The following TMC5 variants were observed in gnomAD, a reference collection of about 807,000 sequenced individuals.
TMC5 encodes the protein transmembrane channel-like protein 5.
Under a neutral mutation model 110.5 loss-of-function variants are expected in TMC5, and 86 were observed. The ratio of observed to expected loss-of-function variants is 0.78; its 90% CI spans 0.65 to 0.93. The LOEUF (loss-of-function observed/expected upper bound fraction) is 0.93, where lower values mean the gene tolerates loss of function less well. Among genes scored for constraint, TMC5 ranks in the 40% least tolerant of loss-of-function variants. The pLI is 0.00. For missense variants in TMC5, 1,144 were observed against 1,222.8 expected (o/e 0.94, Z 0.96); for synonymous variants, 455 against 439.5 (o/e 1.04, Z -0.44).
chr16:19,410,946 G>C (rs549340498), exon 1 of TMC5: 1 of 152,466 alleles, frequency 6.6e-6, no homozygotes, highest in South Asian at 2.1e-4. Flanking sequence ...GAGCCAGCGG[G>C]GTGCGGCGCC....
chr16:19,460,403 C>T, intron 6 of TMC5, 69 bp downstream of exon 6: 1 of 1,110,296 alleles, frequency 9.0e-7, no homozygotes, highest in Admixed American at 2.4e-5. Flanking sequence ...TTTGCCCCAT[C>T]TCAAAAAGAT....
chr16:19,474,456 G>A (rs941794856), intron 12 of TMC5, among the ~76,000 whole-genome samples, 180 bp downstream of exon 12: 1 of 152,106 alleles, frequency 6.6e-6, no homozygotes, highest in Non-Finnish European at 1.5e-5. Context: ...GGGAGGTTGA[G>A]TGGGGAGGAT....
At chr16:19,473,534 C>T (rs1209914252) in intron 11 of TMC5, among the ~76,000 whole-genome samples, 1 of 152,042 alleles carries the variant, frequency 6.6e-6, no homozygotes, top group African/African-American at 2.4e-5. Flanking sequence ...GGGAAAGCCA[C>T]AGAATGATTG....
In TMC5 at chr16:19,492,915, G is replaced by GATAT. The variant is rs772226428; in HGVS notation, c.2826+702_2826+705dup. Among the ~76,000 whole-genome samples, 29 of 42,784 alleles carry GATAT rather than the reference G, an allele frequency of 6.8e-4. 3 individuals carry two copies. In the East Asian group the frequency reaches 0.01, roughly 15 times the overall value. The allele number at this position is 42,784 out of a possible 152,430, so 28.1% of individuals were successfully genotyped here. ...ATTATTTTTTATTTATTAAAACTTAGATATATATATATATATATCTCTCTA... is the reference window on the plus strand; with the variant it reads ...ATTATTTTTTATTTATTAAAACTTAGATATATATATATATATATATATCTCTCTA... On this transcript the variant is annotated intron_variant, in intron 19 of 21. Transcript: ENST00000542583.
At chr16:19,426,447 T>C (rs1184792752) in intron 1 of TMC5, among the ~76,000 whole-genome samples, 1 of 152,044 alleles carries the variant, frequency 6.6e-6, no homozygotes, top group Non-Finnish European at 1.5e-5. Flanking sequence ...ACACTGACAG[T>C]GGGGAAGGGA....
intron 2 of TMC5, 142 bp from the exon 3 acceptor site, chr16:19,439,818 A>C: frequency 1.9e-6 from 1 of 523,692 alleles, no homozygotes; most frequent in Middle Eastern, 5.2e-4. Flanking sequence ...GTGCAAGAGA[A>C]TCTAGAAACA....
intron 5 of TMC5, among the ~76,000 whole-genome samples, chr16:19,459,947 G>T (rs932205903): frequency 1.3e-5 from 2 of 149,390 alleles, no homozygotes; most frequent in Non-Finnish European, 3.0e-5. Context: ...AATAGAAGAG[G>T]TAGGGTGACC....
In TMC5 at chr16:19,477,750, C is replaced by G. The variant is rs138585756; in HGVS notation, c.2169+232C>G. On this transcript the variant is annotated intron_variant, in intron 13 of 21. Transcript: ENST00000542583. The stretch of plus-strand genomic sequence containing the variant: ...AAGGCCAGCTGTGCTGTGTCATCTT[C>G]CGAGTCACTTAATCTCTTTGAGCCT... 9.6e-4 allele frequency among the ~76,000 whole-genome samples: 146 copies of G among 152,294 alleles called. 1 individual carries two copies. The highest frequency in any genetic ancestry group is 7.4e-5 in the Non-Finnish European group (5 of 68,014).
chr16:19,455,281 C>G (rs1340464204), intron 5 of TMC5, among the ~76,000 whole-genome samples: 5 of 151,726 alleles, frequency 3.3e-5, no homozygotes, highest in African/African-American at 1.2e-4. Flanking sequence ...AACCTCGTCT[C>G]TACAAAAAAT....
At chr16:19,476,033 T>C (rs1298416260) in intron 12 of TMC5, among the ~76,000 whole-genome samples, 1 of 152,146 alleles carries the variant, frequency 6.6e-6, no homozygotes, top group East Asian at 1.9e-4. Flanking sequence ...GGTCAGTCAG[T>C]TGATTATATC....
intron 6 of TMC5, chr16:19,462,703 C>G: frequency 1.9e-6 from 1 of 519,368 alleles, no homozygotes; most frequent in East Asian, 3.4e-5. Flanking sequence ...AGTTCAAGAC[C>G]AGCCTGGCCA....
intron 1 of TMC5, among the ~76,000 whole-genome samples, chr16:19,423,177 C>T (rs776041498): frequency 3.3e-4 from 50 of 152,132 alleles, no homozygotes; most frequent in African/African-American, 1.1e-3. Flanking sequence ...TCCTTCATAG[C>T]GATAAATCAA....
chr16:19,460,414 A>G, intron 6 of TMC5, 80 bp downstream of exon 6: 5 of 1,014,310 alleles, frequency 4.9e-6, no homozygotes, highest in Non-Finnish European at 7.4e-6. Context: ...TCAAAAAGAT[A>G]AGAAATAAAT....
chr16:19,433,678 G>A (rs1967240478), intron 2 of TMC5, among the ~76,000 whole-genome samples: 3 of 152,060 alleles, frequency 2.0e-5, no homozygotes, highest in African/African-American at 7.2e-5. Flanking sequence ...GTGAGTATTA[G>A]ATAACTTGTC....
At chr16:19,455,443 T>A (rs1235265796) in intron 5 of TMC5, among the ~76,000 whole-genome samples, 1 of 151,956 alleles carries the variant, frequency 6.6e-6, no homozygotes, top group Non-Finnish European at 1.5e-5. Flanking sequence ...TAAATAAAAA[T>A]TTTTAAAAAG....
chr16:19,470,708 G>A (rs1387738045), intron 10 of TMC5, among the ~76,000 whole-genome samples: 1 of 104,100 alleles, frequency 9.6e-6, no homozygotes, highest in Non-Finnish European at 1.7e-5. Flanking sequence ...CTGGTCTATA[G>A]ACACAAACTT....
intron 6 of TMC5, among the ~76,000 whole-genome samples, chr16:19,461,199 C>T (rs186262884): frequency 3.7e-4 from 56 of 152,194 alleles, no homozygotes; most frequent in Non-Finnish European, 6.9e-4. Flanking sequence ...GGGAAACTAG[C>T]GAGTGGTATA....
In TMC5 at chr16:19,486,987, G is replaced by T. The variant is rs566023595; in HGVS notation, c.2406G>T (p.Met802Ile). ...FFCPLLPFIQ[M>I]IMLFIMFYSK... ...GCCCCCTGCTGCCCTTTATCCAAAT[G>T]ATTATGCTTTTCATCATGTTCTACT... is the stretch of plus-strand genomic sequence containing the variant. Residue 802 changes from methionine (M) to isoleucine (I), a missense_variant, in exon 16 of 22, where the codon ATG becomes ATT. Met to Ile is a conservative substitution (Grantham distance 10). Coordinates refer to ENST00000542583, the MANE Select transcript of TMC5 (RefSeq NM_001261841.2). 8.7e-6 allele frequency: 14 copies of T among 1,614,000 alleles called. No individual in the cohort carries two copies. In the South Asian group the frequency reaches 1.4e-4, roughly 16 times the overall value.
intron 14 of TMC5, 48 bp downstream of exon 14, chr16:19,479,576 G>C: frequency 1.5e-6 from 2 of 1,357,420 alleles, no homozygotes; most frequent in Non-Finnish European, 2.1e-6. Context: ...GCTGTAAACA[G>C]AACCTGATTC....
Sources: allele counts gnomAD v4.1 joint callset (sites outside exome capture counted in the v4.1 genomes callset), GRCh38; gene constraint gnomAD v4.1.1; transcripts MANE v1.5; gene names NCBI Gene and HGNC (gene_info 2026-07-23, HGNC 2026-07-21).